The following NHSL2 variants were observed in gnomAD, a reference collection of about 807,000 sequenced individuals.
NHSL2 encodes NHS-like protein 2.
NHSL2 carries 27 observed loss-of-function variants against 53.4 expected under a neutral mutation model. That is an observed-to-expected ratio of 0.51 (90% CI 0.37 to 0.70). The LOEUF is 0.70. NHSL2 is among the 30% of genes least tolerant of loss of function. The pLI is 0.00. For synonymous variants in NHSL2, 408 were observed against 404.1 expected, an observed-to-expected ratio of 1.01 and a Z score of -0.12; for missense variants, 892 against 980.1, an observed-to-expected ratio of 0.91 and a Z score of 1.20.
chrX:72,131,743 G>A (rs1238280966), intron 1 of NHSL2: 5 of 297,107 alleles, frequency 1.7e-5, no homozygotes, highest in Non-Finnish European at 1.7e-5. Flanking sequence ...GCTCGGCCCA[G>A]GGCGCGTTAC....
intron 1 of NHSL2, among the ~76,000 whole-genome samples, chrX:72,110,552 C>G (rs1297537684): frequency 2.7e-5 from 3 of 109,227 alleles, no homozygotes; most frequent in African/African-American, 1.0e-4. Flanking sequence ...TGCCGTGACC[C>G]CCTCCAGCAA....
chrX:72,057,471 C>T (rs1476657915), intron 1 of NHSL2, among the ~76,000 whole-genome samples: 1 of 111,915 alleles, frequency 8.9e-6, no homozygotes, highest in Non-Finnish European at 1.9e-5. Context: ...CTGCTATGTG[C>T]ACATCTCGTT....
Position 71,911,355 on chromosome X carries a change from G to A in NHSL2, c.268G>A (p.Glu90Lys). The A allele has an allele frequency of 9.2e-7, 1 of 1,089,721 alleles. No individual in the cohort carries two copies. The highest frequency in any genetic ancestry group is 1.2e-6 in the Non-Finnish European group (1 of 837,385). 89.8% of individuals were successfully genotyped at this position (1,089,721 alleles called of 1,213,427 possible). The change falls in exon 1 of 8, where the codon GAG becomes AAG. Residue 90 changes from glutamate to lysine, a missense_variant. Glu to Lys is a moderately conservative substitution (Grantham distance 56, BLOSUM62 1). Coordinates refer to ENST00000633930, the MANE Select transcript of NHSL2 (RefSeq NM_001013627.3). Reference protein sequence around the residue: ...PCRLLGPEEDEEELAAANSGR... With the variant: ...PCRLLGPEEDKEELAAANSGR... ...CCGCCTGCTTGGCCCGGAGGAGGACGAGGAAGAGCTAGGTAAAAACGGCGC... is the reference window on the plus strand; with the variant it reads ...CCGCCTGCTTGGCCCGGAGGAGGACAAGGAAGAGCTAGGTAAAAACGGCGC...
chrX:72,077,552 C>T (rs1188281787), intron 1 of NHSL2, among the ~76,000 whole-genome samples: 5 of 111,862 alleles, frequency 4.5e-5, no homozygotes, highest in Non-Finnish European at 9.4e-5. Flanking sequence ...GGGACAATAG[C>T]TTACCATGAC....
At chrX:71,983,162 C>T (rs2147869491) in intron 1 of NHSL2, among the ~76,000 whole-genome samples, 1 of 111,567 alleles carries the variant, frequency 9.0e-6, no homozygotes, top group East Asian at 2.8e-4. Context: ...GGTGTGAGAA[C>T]AGAGGAAAAA....
Position 71,911,269 on chromosome X carries a change from T to A in NHSL2, c.182T>A (p.Leu61Gln). Residue 61 changes from leucine to glutamine, a missense_variant, in exon 1 of 8, where the codon CTG becomes CAG. Transcript: ENST00000633930. ...GACCTCGAGGGGCACCTGCTGGCCC[T>A]GGGGCGCCGCACAGACAGCCTGTAC... ...LEDLEGHLLA[L>Q]GRRTDSLYRR... 8.7e-7 allele frequency: 1 copy of A among 1,143,865 alleles called. No individual in the cohort carries two copies. Among genetic ancestry groups the A allele is most frequent in the East Asian group, 3.4e-5 (1 of 29,827 alleles). 94.3% of individuals were successfully genotyped at this position (1,143,865 alleles called of 1,213,427 possible). A position where few individuals can be genotyped will look rare whatever the true frequency, so the allele number is the denominator to read the frequency against.
At position 71,960,349 on chromosome X, in the gene NHSL2, A is replaced by G. The variant is rs753083972; in HGVS notation, c.280+48982A>G. On this transcript the variant is annotated intron_variant, in intron 1 of 7. Coordinates refer to ENST00000633930, the MANE Select transcript of NHSL2 (RefSeq NM_001013627.3). The stretch of plus-strand genomic sequence containing the variant: ...TCTTGATATTATCTACTAATGCTCA[A>G]AAGTTTTTAATTTTTATGAAGTCAA... Among the ~76,000 whole-genome samples the G allele has an allele frequency of 2.7e-5, 3 of 112,367 alleles. No homozygotes were observed. The East Asian group carries it at 8.3e-4, about 31-fold the overall frequency.
intron 1 of NHSL2, among the ~76,000 whole-genome samples, chrX:72,123,299 G>A (rs1324266380): frequency 8.9e-6 from 1 of 112,180 alleles, no homozygotes; most frequent in Admixed American, 9.4e-5. Context: ...CAGATGAGAT[G>A]GCATAGATAA....
intron 1 of NHSL2, among the ~76,000 whole-genome samples, chrX:72,087,963 G>C (rs1380119009): frequency 9.9e-6 from 1 of 100,640 alleles, no homozygotes; most frequent in Non-Finnish European, 2.2e-5. Context: ...CCAGCACTTT[G>C]GGAGGCCGAG....
At chrX:72,115,142 C>A (rs1365789221) in intron 1 of NHSL2, among the ~76,000 whole-genome samples, 1 of 111,137 alleles carries the variant, frequency 9.0e-6, no homozygotes. Flanking sequence ...ACTCCATGTC[C>A]CAACTTCTTT....
chrX:72,042,310 C>T (rs1297148759), intron 1 of NHSL2, among the ~76,000 whole-genome samples: 1 of 112,762 alleles, frequency 8.9e-6, no homozygotes, highest in Non-Finnish European at 1.9e-5. Context: ...AAACCTGAAG[C>T]TCTGCTCTTT....
chrX:72,086,029 T>C (rs749015103), intron 1 of NHSL2, among the ~76,000 whole-genome samples: 1 of 112,036 alleles, frequency 8.9e-6, no homozygotes, highest in South Asian at 3.7e-4. Flanking sequence ...CTCCTTGTGG[T>C]CTGCCTGGTC....
In NHSL2 at chrX:71,951,005, T is replaced by TACACACACACACACACACACACAC. The variant is rs10527333; in HGVS notation, c.280+39650_280+39673dup. On this transcript the variant is annotated intron_variant, in intron 1 of 7. Transcript: ENST00000633930. ...CATATTTGGACCCCAAAATACAAAA[T>TACACACACACACACACACACACAC]ACACACACACACACACACACACACA... 1.2e-3 allele frequency among the ~76,000 whole-genome samples: 112 copies of TACACACACACACACACACACACAC among 89,754 alleles called. 1 individual carries two copies. The highest frequency in any genetic ancestry group is 4.4e-3 in the African/African-American group (102 of 23,445). The allele number at this position is 89,754 out of a possible 115,157, so 77.9% of individuals were successfully genotyped here.
At chrX:71,948,849 TTG>T (rs1465211966) in intron 1 of NHSL2, among the ~76,000 whole-genome samples, 139 of 31,215 alleles carry the variant, frequency 4.5e-3, no homozygotes, top group Non-Finnish European at 0.022. Flanking sequence ...AAATGTAGTT[TTG>T]TTTTTTTTTT....
intron 1 of NHSL2, among the ~76,000 whole-genome samples, chrX:71,951,029 C>CAT (rs1374566721): frequency 9.1e-6 from 1 of 110,014 alleles, no homozygotes; most frequent in Non-Finnish European, 1.9e-5. Flanking sequence ...CACACACACA[C>CAT]ACACACACAC....
At position 72,145,444 on chromosome X, in the gene NHSL2, A is replaced by C. The variant is rs1306863018; in HGVS notation, c.*1870A>C. Reference sequence around the variant, plus strand: ...CCAGCACTTCGACACTTAAAATAATAAAACAGCTAGGCTCAGTTGCTTTTG... The same window carrying C: ...CCAGCACTTCGACACTTAAAATAATCAAACAGCTAGGCTCAGTTGCTTTTG... On this transcript the variant is annotated 3_prime_UTR_variant, in exon 8 of 8. Coordinates refer to ENST00000633930, the MANE Select transcript of NHSL2 (RefSeq NM_001013627.3). 8.9e-6 allele frequency: 1 copy of C among 112,624 alleles called. No homozygotes were observed. Among genetic ancestry groups the C allele is most frequent in the Non-Finnish European group, 1.9e-5 (1 of 53,366 alleles). The allele number at this position is 112,624 out of a possible 1,213,427, so 9.3% of individuals were successfully genotyped here.
intron 1 of NHSL2, among the ~76,000 whole-genome samples, chrX:72,080,427 G>A (rs1602351679): frequency 1.8e-5 from 2 of 111,388 alleles, no homozygotes; most frequent in South Asian, 7.5e-4. Flanking sequence ...TGTGCACAGA[G>A]GGGCAGGATG....
chrX:72,138,217 T>G (rs1212682329), intron 5 of NHSL2, among the ~76,000 whole-genome samples: 1 of 112,069 alleles, frequency 8.9e-6, no homozygotes, highest in Non-Finnish European at 1.9e-5. Context: ...TGGAAAGTAT[T>G]TGGCAGCCAT....
chrX:72,127,902 G>C (rs2042243184), intron 1 of NHSL2: 1 of 112,638 alleles, frequency 8.9e-6, no homozygotes, highest in Non-Finnish European at 1.9e-5. Context: ...TCTCAGCTTT[G>C]ACAAGACATA....
Sources: gnomAD v4.1 joint callset for allele counts (sites outside exome capture counted in the v4.1 genomes callset) on GRCh38, gnomAD v4.1.1 for gene constraint, MANE v1.5 for transcripts, NCBI Gene and HGNC (gene_info 2026-07-23, HGNC 2026-07-21) for gene names.